CHRNB1: variants seen among roughly 807,000 people sequenced by gnomAD.
CHRNB1 encodes the protein cholinergic receptor nicotinic beta 1 subunit, also known as acetylcholine receptor subunit beta.
A neutral mutation model predicts 53.8 loss-of-function variants in CHRNB1; 47 were observed. That is an observed-to-expected ratio of 0.87 (90% CI 0.69 to 1.11). CHRNB1 has a LOEUF of 1.11. Ranked by LOEUF, CHRNB1 falls within the 50% of genes most tolerant of loss-of-function variation. The pLI is 0.00. For synonymous variants in CHRNB1, 259 were observed against 263.5 expected (o/e 0.98, Z 0.16); for missense variants, 605 against 654.9 (o/e 0.92, Z 0.83).
Position 7,446,845 on chromosome 17 carries a change from T to G in CHRNB1, c.256T>G (p.Tyr86Asp). Reference sequence around the variant, plus strand: ...TCTGCTTCACTAGGAGTGGACTGACTACAGGCTGAGCTGGGACCCTGCGGA... The same window carrying G: ...TCTGCTTCACTAGGAGTGGACTGACGACAGGCTGAGCTGGGACCCTGCGGA... ...KVYLDLEWTD[Y>D]RLSWDPAEHD... Residue 86 changes from tyrosine to aspartate, a missense_variant, in exon 4 of 11, where the codon TAC (tyrosine) becomes GAC (aspartate). Coordinates refer to ENST00000306071, the MANE Select transcript of CHRNB1 (RefSeq NM_000747.3). 6.2e-7 allele frequency: 1 copy of G among 1,613,844 alleles called. No individual in the cohort carries two copies. The highest frequency in any genetic ancestry group is 1.1e-5 in the South Asian group (1 of 91,068).
chr17:7,456,050 T>A, intron 10 of CHRNB1, 109 bp downstream of exon 10: 1 of 63,028 alleles, frequency 1.6e-5, no homozygotes, highest in Non-Finnish European at 3.6e-5. Context: ...TTTTTTTGGC[T>A]TTTTTTTTTT....
chr17:7,445,443 C>T lies in CHRNB1; in HGVS notation c.198+34C>T, dbSNP rs780930151. On this transcript the variant is annotated intron_variant, in intron 2 of 10. Transcript: ENST00000306071. This position sits in a 1 kb window ranked among gnomAD's most constrained non-coding sequence, Gnocchi z 5.7. ...GCGCGGGGGGTGGAGGTCAGGCCAG[C>T]CGACCGGCCGGGGGCGTGGCTTTAG... 3.7e-6 allele frequency: 6 copies of T among 1,603,116 alleles called. No individual in the cohort carries two copies. The highest frequency in any genetic ancestry group is 2.7e-5 in the African/African-American group (2 of 74,426).
chr17:7,455,666 G>A, intron 9 of CHRNB1, 128 bp from the exon 10 acceptor site: 3 of 1,365,242 alleles, frequency 2.2e-6, no homozygotes, highest in Non-Finnish European at 2.1e-6. Context: ...ATCACTGCTG[G>A]AGGGAAAAGC....
Position 7,446,891 on chromosome 17 carries a change from T to C in CHRNB1, c.302T>C (p.Leu101Pro), listed in dbSNP as rs1028687450. 20 of 1,613,042 alleles carry C rather than the reference T, an allele frequency of 1.2e-5. No individual in the cohort carries two copies. The highest frequency in any genetic ancestry group is 2.7e-5 in the African/African-American group (2 of 74,784). The change falls in exon 4 of 11, where the codon CTC becomes CCC. Residue 101 changes from leucine (L) to proline (P), a missense_variant. Transcript: ENST00000306071. The stretch of plus-strand genomic sequence containing the variant: ...GCGGAGCACGACGGCATCGATTCGC[T>C]CCGCATCACGGCGGAATCCGTGTGG... ...DPAEHDGIDSLRITAESVWLP... is the reference protein window; with the variant it reads ...DPAEHDGIDSPRITAESVWLP...
At chr17:7,453,061 A>G (rs7406815) in intron 7 of CHRNB1, among the ~76,000 whole-genome samples, 152,064 of 152,352 alleles carry the variant, frequency 1, 75,888 homozygotes, top group Middle Eastern at 1. Flanking sequence ...GAAGACTATC[A>G]GAGGAGTAGC....
chr17:7,455,517 T>G, intron 9 of CHRNB1, 61 bp downstream of exon 9: 1 of 1,600,524 alleles, frequency 6.2e-7, no homozygotes, highest in South Asian at 1.1e-5. Flanking sequence ...CCCAGAAGAG[T>G]GTGCGGAAGA....
intron 3 of CHRNB1, 94 bp downstream of exon 3, chr17:7,446,207 C>A: frequency 9.3e-7 from 1 of 1,071,628 alleles, no homozygotes; most frequent in Non-Finnish European, 1.4e-6. Flanking sequence ...TACATCATGA[C>A]TTTAGATAAC....
chr17:7,456,537 G>T, intron 10 of CHRNB1, 46 bp from the exon 11 acceptor site: 1 of 1,613,274 alleles, frequency 6.2e-7, no homozygotes, highest in Non-Finnish European at 8.5e-7. Context: ...GGTTTCCCTG[G>T]GGGTCTGGGC....
In CHRNB1 at chr17:7,448,573, C is replaced by T; in HGVS notation, c.611-6C>T. The stretch of plus-strand genomic sequence containing the variant: ...TCTGTGTTCCCCTCCTTCTGCTCAT[C>T]CCCAGAGAATGGCCAGTGGGAGATT... On this transcript the variant is annotated splice_region_variant and splice_polypyrimidine_tract_variant and intron_variant, in intron 6 of 10. Coordinates refer to ENST00000306071, the MANE Select transcript of CHRNB1 (RefSeq NM_000747.3). 1 of 1,613,946 alleles carries T rather than the reference C, an allele frequency of 6.2e-7. No homozygotes were observed. Among genetic ancestry groups the T allele is most frequent in the South Asian group, 1.1e-5 (1 of 91,060 alleles).
rs1209427277 is a variant in CHRNB1 at position 7,447,138 on chromosome 17, G to C, written c.449G>C (p.Ser150Thr). Residue 150 changes from serine to threonine, a missense_variant, in exon 5 of 11, where the codon AGC (serine) becomes ACC (threonine). Ser to Thr is a moderately conservative substitution (Grantham distance 58). Transcript: ENST00000306071. The stretch of plus-strand genomic sequence containing the variant: ...CAACCCCCGGGCATCTATCGCAGCA[G>C]CTGCAGCATCCAGGTTTCCGGCCTC... ...RWQPPGIYRS[S>T]CSIQVTYFPF... The C allele has an allele frequency of 6.2e-7, 1 of 1,613,904 alleles. No homozygotes were observed. Among genetic ancestry groups the C allele is most frequent in the Non-Finnish European group, 8.5e-7 (1 of 1,179,878 alleles).
chr17:7,450,644 A>G (rs1209301673), intron 7 of CHRNB1, among the ~76,000 whole-genome samples: 1 of 152,216 alleles, frequency 6.6e-6, no homozygotes, highest in African/African-American at 2.4e-5. Flanking sequence ...TTCATTTAAC[A>G]TGGTACATGT....
intron 10 of CHRNB1, among the ~76,000 whole-genome samples, chr17:7,456,319 G>T (rs2069950461): frequency 6.6e-6 from 1 of 152,116 alleles, no homozygotes; most frequent in Non-Finnish European, 1.5e-5. Context: ...CTCCCAAAGT[G>T]CTGGGATTAC....
At chr17:7,456,536 G>A (rs1223668075) in intron 10 of CHRNB1, 47 bp from the exon 11 acceptor site, 3 of 1,612,928 alleles carry the variant, frequency 1.9e-6, no homozygotes, top group Admixed American at 1.7e-5. Flanking sequence ...GGGTTTCCCT[G>A]GGGGTCTGGG....
At position 7,447,143 on chromosome 17, in the gene CHRNB1, A is replaced by G; in HGVS notation, c.454A>G (p.Ser152Gly). Residue 152 changes from serine to glycine, a missense_variant, in exon 5 of 11, where the codon AGC becomes GGC. Ser to Gly is a moderately conservative substitution (Grantham distance 56). Transcript: ENST00000306071. ...CCCGGGCATCTATCGCAGCAGCTGC[A>G]GCATCCAGGTTTCCGGCCTCCACAT... The part of the protein sequence containing the change: ...QPPGIYRSSC[S>G]IQVTYFPFDW... 6.2e-7 allele frequency: 1 copy of G among 1,613,786 alleles called. No individual in the cohort carries two copies. The highest frequency in any genetic ancestry group is 1.1e-5 in the South Asian group (1 of 91,078).
At chr17:7,448,449 C>T in intron 6 of CHRNB1, 130 bp from the exon 7 acceptor site, 1 of 779,796 alleles carries the variant, frequency 1.3e-6, no homozygotes, top group African/African-American at 1.7e-5. Flanking sequence ...ATGGGCTACT[C>T]AGCCCAGTTT....
At position 7,445,630 on chromosome 17, in the gene CHRNB1, G is replaced by A. The variant is rs1597747621; in HGVS notation, c.198+221G>A. ...GTAGAACTGGGTAGGGTGAAGGACGGACCTGTGATCGGACCTTAAAGTGGG... is the reference window on the plus strand; with the variant it reads ...GTAGAACTGGGTAGGGTGAAGGACGAACCTGTGATCGGACCTTAAAGTGGG... On this transcript the variant is annotated intron_variant, in intron 2 of 10. Coordinates refer to ENST00000306071, the MANE Select transcript of CHRNB1 (RefSeq NM_000747.3). This position sits in a 1 kb window ranked among gnomAD's most constrained non-coding sequence, Gnocchi z 5.7. The A allele has an allele frequency of 1.1e-5, 16 of 1,437,392 alleles. No individual in the cohort carries two copies. The highest frequency in any genetic ancestry group is 1.5e-5 in the Non-Finnish European group (16 of 1,097,960). 89.0% of individuals were successfully genotyped at this position (1,437,392 alleles called of 1,614,324 possible).
At chr17:7,448,095 A>C (rs934054718) in intron 6 of CHRNB1, among the ~76,000 whole-genome samples, 11 of 147,208 alleles carry the variant, frequency 7.5e-5, no homozygotes, top group Non-Finnish European at 1.6e-4. Flanking sequence ...AAAAAAAAAA[A>C]AAAAAAAGGG....
rs762250406 is a variant in CHRNB1 at position 7,456,623 on chromosome 17, G to T, written c.1406G>T (p.Arg469Leu). The T allele has an allele frequency of 6.8e-5, 109 of 1,614,102 alleles. No homozygotes were observed. Among genetic ancestry groups the T allele is most frequent in the South Asian group, 5.7e-4 (52 of 91,076 alleles). Residue 469 changes from arginine to leucine, a missense_variant, in exon 11 of 11, where the codon CGC becomes CTC. Arg to Leu is a moderately radical substitution (Grantham distance 102). Transcript: ENST00000306071. ...DWQFVAMVVD[R>L]LFLWTFIIFT... ...CAGTTTGTGGCCATGGTAGTGGACC[G>T]CCTCTTCCTGTGGACTTTCATCATC...
At chr17:7,453,988 G>A (rs1478033761) in intron 7 of CHRNB1, among the ~76,000 whole-genome samples, 1 of 152,130 alleles carries the variant, frequency 6.6e-6, no homozygotes, top group Non-Finnish European at 1.5e-5. Context: ...TTGAGCCTGG[G>A]AAGTGGAGGT....
Sources: gnomAD v4.1 joint callset for allele counts (sites outside exome capture counted in the v4.1 genomes callset) on GRCh38, gnomAD v4.1.1 for gene constraint, Gnocchi (gnomAD v3.1) non-coding constraint, MANE v1.5 for transcripts, NCBI Gene and HGNC (gene_info 2026-07-23, HGNC 2026-07-21) for gene names.